XKR4: variants seen among roughly 807,000 people sequenced by gnomAD.
The protein encoded by XKR4 is XK related 4.
XKR4 carries 12 observed loss-of-function variants against 53.9 expected under a neutral mutation model. That is an observed-to-expected ratio of 0.22 (90% CI 0.14 to 0.36). The LOEUF is 0.36. Ranked by LOEUF, XKR4 falls within the 10% of genes least tolerant of loss-of-function variation. XKR4 has a pLI of 1.00. For missense variants in XKR4, 799 were observed against 859.5 expected (o/e 0.93, Z 0.88); for synonymous variants, 354 against 362.4 (o/e 0.98, Z 0.26).
intron 1 of XKR4, among the ~76,000 whole-genome samples, chr8:55,182,423 G>A (rs1371365583): frequency 6.6e-6 from 1 of 151,986 alleles, no homozygotes; most frequent in African/African-American, 2.4e-5. Flanking sequence ...TCTTCTAAAA[G>A]TTTCATAGTT....
chr8:55,123,884 A>G (rs1023818507), intron 1 of XKR4, among the ~76,000 whole-genome samples: 1 of 152,174 alleles, frequency 6.6e-6, no homozygotes, highest in African/African-American at 2.4e-5. Context: ...TGAAACTACA[A>G]TTTACAGTTA....
chr8:55,482,962 C>A (rs1029555163), intron 2 of XKR4, among the ~76,000 whole-genome samples: 1 of 152,150 alleles, frequency 6.6e-6, no homozygotes, highest in Non-Finnish European at 1.5e-5. Flanking sequence ...ACCCTAGGCA[C>A]TTTGCAAATG....
intron 1 of XKR4, among the ~76,000 whole-genome samples, chr8:55,180,431 T>C (rs1231951348): frequency 6.6e-6 from 1 of 152,260 alleles, no homozygotes; most frequent in African/African-American, 2.4e-5. Flanking sequence ...ACTCATTCCC[T>C]ATGTATCTTC....
intron 1 of XKR4, among the ~76,000 whole-genome samples, chr8:55,354,251 G>A (rs943139130): frequency 1.3e-5 from 2 of 152,180 alleles, no homozygotes; most frequent in Non-Finnish European, 2.9e-5. Flanking sequence ...GAGGGAGGGT[G>A]TTCTCAATGA....
intron 1 of XKR4, among the ~76,000 whole-genome samples, chr8:55,330,835 G>A (rs1168658917): frequency 6.6e-6 from 1 of 152,102 alleles, no homozygotes; most frequent in Non-Finnish European, 1.5e-5. Flanking sequence ...TGGCAAGAGT[G>A]GGGAAAGGAC....
intron 1 of XKR4, among the ~76,000 whole-genome samples, chr8:55,272,602 G>A (rs1278088691): frequency 6.6e-6 from 1 of 152,078 alleles, no homozygotes; most frequent in Non-Finnish European, 1.5e-5. Context: ...GATCTGCCTT[G>A]GAGATCTCTG....
intron 1 of XKR4, among the ~76,000 whole-genome samples, chr8:55,246,115 A>T (rs1224903910): frequency 6.6e-6 from 1 of 152,066 alleles, no homozygotes; most frequent in Non-Finnish European, 1.5e-5. Flanking sequence ...CCCCTTTCAT[A>T]GCCTCTGCCT....
intron 2 of XKR4, among the ~76,000 whole-genome samples, chr8:55,462,912 A>C (rs1325418202): frequency 1.3e-5 from 2 of 152,116 alleles, no homozygotes; most frequent in Non-Finnish European, 2.9e-5. Flanking sequence ...ATCAATTCAA[A>C]AAGAAGAACT....
intron 1 of XKR4, among the ~76,000 whole-genome samples, chr8:55,335,456 T>C (rs1563326801): frequency 6.6e-6 from 1 of 152,164 alleles, no homozygotes; most frequent in Non-Finnish European, 1.5e-5. Flanking sequence ...TTTAACAAAA[T>C]ATCATTTAAT....
At chr8:55,213,498 A>C (rs1363410970) in intron 1 of XKR4, among the ~76,000 whole-genome samples, 1 of 152,190 alleles carries the variant, frequency 6.6e-6, no homozygotes, top group Non-Finnish European at 1.5e-5. Flanking sequence ...AGCAATTGGG[A>C]AAGTTTAGAA....
intron 2 of XKR4, among the ~76,000 whole-genome samples, chr8:55,429,000 G>C (rs1800822404): frequency 6.6e-6 from 1 of 152,140 alleles, no homozygotes; most frequent in South Asian, 2.1e-4. Context: ...AAACTAGTAG[G>C]AATCAATTTC....
At chr8:55,148,546 G>T (rs182971770) in intron 1 of XKR4, among the ~76,000 whole-genome samples, 1 of 152,176 alleles carries the variant, frequency 6.6e-6, no homozygotes, top group Non-Finnish European at 1.5e-5. Flanking sequence ...TTCAGTTATT[G>T]TTAAGTTATC....
intron 2 of XKR4, among the ~76,000 whole-genome samples, chr8:55,456,203 G>A (rs550068231): frequency 3.3e-5 from 5 of 152,130 alleles, no homozygotes; most frequent in Admixed American, 6.5e-5. Flanking sequence ...AGGCCAAGGC[G>A]GGCGGATCAC....
chr8:55,303,644 G>A (rs540844545), intron 1 of XKR4, among the ~76,000 whole-genome samples: 1 of 152,046 alleles, frequency 6.6e-6, no homozygotes, highest in South Asian at 2.1e-4. Context: ...TTTTTGGTTG[G>A]TAAGCTATTG....
At chr8:55,484,199 C>T (rs1046254283) in intron 2 of XKR4, among the ~76,000 whole-genome samples, 1 of 152,136 alleles carries the variant, frequency 6.6e-6, no homozygotes, top group Non-Finnish European at 1.5e-5. Flanking sequence ...TTTAAAACTC[C>T]TTAAAAGAAC....
chr8:55,184,685 T>G (rs1817354338), intron 1 of XKR4, among the ~76,000 whole-genome samples: 1 of 152,216 alleles, frequency 6.6e-6, no homozygotes, highest in Admixed American at 6.5e-5. Context: ...ACGTGTTAAA[T>G]AAGGGTGGTG....
intron 1 of XKR4, among the ~76,000 whole-genome samples, chr8:55,308,753 C>T (rs568538556): frequency 9.9e-5 from 15 of 152,178 alleles, no homozygotes; most frequent in South Asian, 6.2e-4. Flanking sequence ...TGGAATCAGC[C>T]CAGACATCCT....
At chr8:55,135,979 C>T (rs766902529) in intron 1 of XKR4, among the ~76,000 whole-genome samples, 21 of 151,812 alleles carry the variant, frequency 1.4e-4, no homozygotes, top group Admixed American at 3.3e-4. Flanking sequence ...CTGCAACCTC[C>T]GCCTCCCGGG....
At chr8:55,397,864 G>C (rs935390145) in intron 2 of XKR4, among the ~76,000 whole-genome samples, 5 of 152,140 alleles carry the variant, frequency 3.3e-5, no homozygotes, top group Non-Finnish European at 5.9e-5. Flanking sequence ...GGGCTACTCA[G>C]TGGGAGCCTG....
Sources: allele counts gnomAD v4.1 joint callset (sites outside exome capture counted in the v4.1 genomes callset), GRCh38; gene constraint gnomAD v4.1.1; transcripts MANE v1.5; gene names NCBI Gene and HGNC (gene_info 2026-07-23, HGNC 2026-07-21).